MUC5AC: variants seen among roughly 807,000 people sequenced by gnomAD.
MUC5AC encodes the protein mucin-5AC.
MUC5AC carries 158 observed loss-of-function variants against 169.7 expected under a neutral mutation model. That is an observed-to-expected ratio of 0.93 (90% CI 0.82 to 1.06). The LOEUF (loss-of-function observed/expected upper bound fraction) is 1.06, where lower values mean the gene tolerates loss of function less well. MUC5AC is among the 50% of genes least tolerant of loss of function. MUC5AC has a pLI of 0.00. For missense variants in MUC5AC, 4,359 were observed against 3,089.9 expected, an observed-to-expected ratio of 1.41 and a Z score of -9.74; for synonymous variants, 1,975 against 1,237.0, an observed-to-expected ratio of 1.60 and a Z score of -12.52.
At chr11:1,196,539 C>T in intron 38 of MUC5AC, 64 bp downstream of exon 38, 1 of 764,166 alleles carries the variant, frequency 1.3e-6, no homozygotes, top group Non-Finnish European at 2.4e-6. Flanking sequence ...CAGCCTCCCG[C>T]TGCATCTCCC....
chr11:1,198,209 C>A, intron 42 of MUC5AC, 59 bp from the exon 43 acceptor site: 1 of 719,236 alleles, frequency 1.4e-6, no homozygotes, highest in East Asian at 2.6e-5. Context: ...GGCGGGAATG[C>A]TGAGGGTGAG....
intron 17 of MUC5AC, 92 bp from the exon 18 acceptor site, chr11:1,174,790 G>T (rs1228888313): frequency 2.2e-6 from 1 of 458,192 alleles, no homozygotes; most frequent in East Asian, 3.5e-5. Context: ...GAGGGGAGGG[G>T]AGGGTAGCCG....
In MUC5AC at chr11:1,160,462, C is replaced by A. The variant is rs1014844052; in HGVS notation, c.74-150C>A. 249 of 656,002 alleles carry A rather than the reference C, an allele frequency of 3.8e-4. No homozygotes were observed. In the African/African-American group the frequency reaches 4.0e-3, roughly 11 times the overall value. 40.6% of individuals were successfully genotyped at this position (656,002 alleles called of 1,614,324 possible). A position where few individuals can be genotyped will look rare whatever the true frequency, so the allele number is the denominator to read the frequency against. On this transcript the variant is annotated intron_variant, in intron 1 of 48. Transcript: ENST00000621226. ...TGGACAGAGGCCTCCTAGGACCCCC[C>A]CAACCCAGCACAGAGAGAGCCCTTG...
Position 1,164,438 on chromosome 11 carries a change from C to T in MUC5AC, c.1035C>T (p.His345=), listed in dbSNP as rs745674987. 419 of 1,612,204 alleles carry T rather than the reference C, an allele frequency of 2.6e-4. 3 individuals are homozygous for T. In the Middle Eastern group the frequency reaches 4.3e-3, roughly 17 times the overall value. Residue 345 remains histidine, a synonymous_variant, in exon 9 of 49, where the codon CAC becomes CAT. Coordinates refer to ENST00000621226, the MANE Select transcript of MUC5AC (RefSeq NM_001304359.2). ...AGTGCCCCAACAACATGCAGTACCA[C>T]GAGTGCCGCTCCCCCTGCGCAGACA... ...PQKCPNNMQY[H]ECRSPCADTC...
Position 1,196,055 on chromosome 11 carries a change from G to A in MUC5AC, c.15637+1G>A, listed in dbSNP as rs758397080. 6.5e-6 allele frequency: 5 copies of A among 763,520 alleles called. No homozygotes were observed. The highest frequency in any genetic ancestry group is 2.7e-5 in the South Asian group (2 of 74,426). 47.3% of individuals were successfully genotyped at this position (763,520 alleles called of 1,614,324 possible). A position where few individuals can be genotyped will look rare whatever the true frequency, so the allele number is the denominator to read the frequency against. ...AGAGGCCGGACCGGCCACATGTGCC[G>A]TGAGTGCCACCACTGTCCTCAGGGT... On this transcript the variant is annotated splice_donor_variant, in intron 37 of 48. Coordinates refer to ENST00000621226, the MANE Select transcript of MUC5AC (RefSeq NM_001304359.2). LOFTEE classifies it high-confidence loss of function.
intron 25 of MUC5AC, 115 bp from the exon 26 acceptor site, chr11:1,178,977 C>G (rs1860748348): frequency 4.6e-6 from 2 of 437,374 alleles, no homozygotes; most frequent in East Asian, 6.7e-5. Flanking sequence ...GGCATTCGCC[C>G]TCCCTGAGCT....
chr11:1,175,713 C>T lies in MUC5AC; in HGVS notation c.2402-438C>T, dbSNP rs1215097942. Among the ~76,000 whole-genome samples, 28 of 145,546 alleles carry T rather than the reference C, an allele frequency of 1.9e-4. No individual in the cohort carries two copies. In the East Asian group the frequency reaches 2.5e-3, roughly 13 times the overall value. On this transcript the variant is annotated intron_variant, in intron 19 of 48. Transcript: ENST00000621226. ...ACACACCCATTCATACTCATGCACA[C>T]GCTCACACACCCACTCATGCACACA...
chr11:1,193,740 G>A, intron 33 of MUC5AC, 81 bp downstream of exon 33: 1 of 720,792 alleles, frequency 1.4e-6, no homozygotes, highest in Non-Finnish European at 2.5e-6. Flanking sequence ...GGCAGAGGAG[G>A]GGGCTTGGCT....
At chr11:1,200,302 C>T (rs958924424) in intron 48 of MUC5AC, 136 bp from the exon 49 acceptor site, 2 of 600,584 alleles carry the variant, frequency 3.3e-6, no homozygotes, top group African/African-American at 3.7e-5. Context: ...CAAAGGAGAG[C>T]TGGTTGTCAG....
chr11:1,174,803 A>G, intron 17 of MUC5AC, 79 bp from the exon 18 acceptor site: 1 of 447,852 alleles, frequency 2.2e-6, no homozygotes, highest in East Asian at 3.5e-5. Flanking sequence ...GGTAGCCGAG[A>G]GGGCTGGGCT....
chr11:1,182,004 G>T (rs1860825351), intron 30 of MUC5AC, among the ~76,000 whole-genome samples, 151 bp from the exon 31 acceptor site: 1 of 152,174 alleles, frequency 6.6e-6, no homozygotes, highest in South Asian at 2.1e-4. Flanking sequence ...AACCTGTGCC[G>T]CTCATGTGGG....
intron 35 of MUC5AC, 121 bp downstream of exon 35, chr11:1,194,791 T>C: frequency 4.8e-6 from 3 of 622,466 alleles, no homozygotes; most frequent in South Asian, 3.7e-5. Context: ...CTCTGCTGAG[T>C]GCAGGCCACA....
chr11:1,190,943 C>T lies in MUC5AC; in HGVS notation c.12798C>T (p.Thr4266=), dbSNP rs1861076708. ...TPSPVPSTST[T]SAATTSTTSA... ...GCCCTGTTCCCAGCACCAGTACAAC[C>T]TCTGCTGCTACAACCAGCACAACCT... The change falls in exon 31 of 49, where the codon ACC becomes ACT. Residue 4266 remains threonine (T), a synonymous_variant. Transcript: ENST00000621226. The T allele has an allele frequency of 1.4e-6, 1 of 738,852 alleles. No homozygotes were observed. Among genetic ancestry groups the T allele is most frequent in the Non-Finnish European group, 2.5e-6 (1 of 405,876 alleles). 45.8% of individuals were successfully genotyped at this position (738,852 alleles called of 1,614,324 possible).
rs1861414467 is a variant in MUC5AC, at chr11:1,200,904, C to A, written c.*202C>A. On this transcript the variant is annotated 3_prime_UTR_variant, in exon 49 of 49. Coordinates refer to ENST00000621226, the MANE Select transcript of MUC5AC (RefSeq NM_001304359.2). ...GGGCCCTTACCCACCCCGCCTGCAG[C>A]CACCTCTCAGGACCAGCCCCGGGGC... is the stretch of plus-strand genomic sequence containing the variant. The A allele has an allele frequency of 4.1e-6, 2 of 482,704 alleles. No homozygotes were observed. Among genetic ancestry groups the A allele is most frequent in the Non-Finnish European group, 7.4e-6 (2 of 271,740 alleles). The allele number at this position is 482,704 out of a possible 1,614,324, so 29.9% of individuals were successfully genotyped here.
At chr11:1,178,011 C>T (rs1242545597) in intron 24 of MUC5AC, among the ~76,000 whole-genome samples, 1 of 152,200 alleles carries the variant, frequency 6.6e-6, no homozygotes, top group Admixed American at 6.5e-5. Context: ...GATCGCCGCC[C>T]CGTCTTCACG....
At position 1,194,759 on chromosome 11, in the gene MUC5AC, C is replaced by G. The variant is rs907154341; in HGVS notation, c.15190+89C>G. ...CGAGGCCACCACGTGCCGCGTGTGC[C>G]GGTGTCTCTGCTTTCTGGCTGCTCT... On this transcript the variant is annotated intron_variant, in intron 35 of 48. Transcript: ENST00000621226. 10 of 647,922 alleles carry G rather than the reference C, an allele frequency of 1.5e-5. No individual in the cohort carries two copies. In the East Asian group the frequency reaches 2.6e-4, roughly 17 times the overall value. 40.1% of individuals were successfully genotyped at this position (647,922 alleles called of 1,614,324 possible).
At chr11:1,192,621 TC>T (rs1650483531) in intron 31 of MUC5AC, 96 bp downstream of exon 31, 1 of 709,138 alleles carries the variant, frequency 1.4e-6, no homozygotes, top group African/African-American at 1.7e-5. Flanking sequence ...GAGTCTCTGC[TC>T]TTTGTGGCAC....
rs1249362643 is a variant in MUC5AC at position 1,185,134 on chromosome 11, C to T, written c.6989C>T (p.Thr2330Ile). 1 of 728,488 alleles carries T rather than the reference C, an allele frequency of 1.4e-6. No individual in the cohort carries two copies. The highest frequency in any genetic ancestry group is 2.5e-6 in the Non-Finnish European group (1 of 399,386). The allele number at this position is 728,488 out of a possible 1,614,324, so 45.1% of individuals were successfully genotyped here. A position where few individuals can be genotyped will look rare whatever the true frequency, so the allele number is the denominator to read the frequency against. ...PTTSITSAPTTSTTSAPTSST... is the reference protein window; with the variant it reads ...PTTSITSAPTISTTSAPTSST... Reference sequence around the variant, plus strand: ...ACTAGCATAACCTCTGCCCCTACAACCAGCACAACCTCTGCCCCTACAAGC... The same window carrying T: ...ACTAGCATAACCTCTGCCCCTACAATCAGCACAACCTCTGCCCCTACAAGC... The change falls in exon 31 of 49, where the codon ACC becomes ATC. Residue 2330 changes from threonine (T) to isoleucine (I), a missense_variant. Coordinates refer to ENST00000621226, the MANE Select transcript of MUC5AC (RefSeq NM_001304359.2).
In MUC5AC at chr11:1,179,263, G is replaced by C; in HGVS notation, c.3484+15G>C. 3.7e-6 allele frequency: 2 copies of C among 541,434 alleles called. No individual in the cohort carries two copies. The highest frequency in any genetic ancestry group is 3.0e-5 in the East Asian group (1 of 33,316). The allele number at this position is 541,434 out of a possible 1,614,324, so 33.5% of individuals were successfully genotyped here. ...GAGCATCTGCCGTGAGTGCGAGTGGGCACCTGGGGAAGAACAGGAAGCGCC... is the reference window on the plus strand; with the variant it reads ...GAGCATCTGCCGTGAGTGCGAGTGGCCACCTGGGGAAGAACAGGAAGCGCC... On this transcript the variant is annotated intron_variant, in intron 26 of 48. Coordinates refer to ENST00000621226, the MANE Select transcript of MUC5AC (RefSeq NM_001304359.2).
Sources: allele counts gnomAD v4.1 joint callset (sites outside exome capture counted in the v4.1 genomes callset), GRCh38; gene constraint gnomAD v4.1.1; transcripts MANE v1.5; gene names NCBI Gene and HGNC (gene_info 2026-07-23, HGNC 2026-07-21).